Variants in GRM8 observed in about 807,000 individuals in gnomAD.
GRM8 encodes the protein glutamate metabotropic receptor 8, also known as metabotropic glutamate receptor 8.
Under a neutral mutation model 87.2 loss-of-function variants are expected in GRM8, and 47 were observed. That is an observed-to-expected ratio of 0.54 (90% confidence interval 0.43 to 0.69). The LOEUF is 0.69. GRM8 is among the 30% of genes least tolerant of loss of function. GRM8 has a pLI of 0.00. For missense variants in GRM8, 1,019 were observed against 1,139.2 expected (o/e 0.89, Z 1.52); for synonymous variants, 396 against 404.5 (o/e 0.98, Z 0.25).
intron 7 of GRM8, 64 bp from the exon 8 acceptor site, chr7:126,609,562 T>C: frequency 1.6e-6 from 2 of 1,275,336 alleles, no homozygotes; most frequent in Non-Finnish European, 2.2e-6. Flanking sequence ...GGTTTATTTT[T>C]CTTTTAGAAG....
At chr7:126,878,405 T>C (rs1799715202) in intron 6 of GRM8, among the ~76,000 whole-genome samples, 1 of 152,204 alleles carries the variant, frequency 6.6e-6, no homozygotes, top group African/African-American at 2.4e-5. Flanking sequence ...AGCCTGTGTG[T>C]TCTGCCTTCA....
In GRM8 at chr7:126,493,150, C is replaced by T. The variant is rs529645154; in HGVS notation, c.2430+39802G>A. 1.3e-3 allele frequency among the ~76,000 whole-genome samples: 201 copies of T among 152,000 alleles called. 2 individuals carry two copies. In the South Asian group the frequency reaches 0.018, roughly 13 times the overall value. On this transcript the variant is annotated intron_variant, in intron 9 of 10. Transcript: ENST00000339582. ...CTGCTCCACTATGGAATCCCCTTTC[C>T]CTTTTTATGGTTAATAATCTTAATT...
chr7:126,660,683 C>T (rs1805065604), intron 7 of GRM8, among the ~76,000 whole-genome samples: 1 of 152,092 alleles, frequency 6.6e-6, no homozygotes, highest in Admixed American at 6.5e-5. Flanking sequence ...ACTTTTAGTG[C>T]AATTATCCGT....
At chr7:127,105,069 G>A (rs901094419) in intron 3 of GRM8, among the ~76,000 whole-genome samples, 3 of 152,094 alleles carry the variant, frequency 2.0e-5, no homozygotes, top group Admixed American at 1.3e-4. Flanking sequence ...TTATCACTCT[G>A]GTAAGAACTG....
intron 7 of GRM8, among the ~76,000 whole-genome samples, chr7:126,629,674 T>C (rs555043591): frequency 6.6e-4 from 101 of 152,278 alleles, no homozygotes; most frequent in African/African-American, 2.2e-3. Context: ...CTTAAAAAGA[T>C]AGCAGATAAT....
chr7:126,892,586 T>G (rs561586156), intron 6 of GRM8, among the ~76,000 whole-genome samples: 4 of 152,160 alleles, frequency 2.6e-5, no homozygotes, highest in Non-Finnish European at 5.9e-5. Flanking sequence ...GAATAGTGCC[T>G]CAATAAACAT....
intron 7 of GRM8, among the ~76,000 whole-genome samples, chr7:126,669,303 C>G (rs555054987): frequency 2.6e-5 from 4 of 151,846 alleles, no homozygotes; most frequent in Admixed American, 2.6e-4. Flanking sequence ...CCTACACATT[C>G]TGCACATGTA....
chr7:126,803,139 A>G (rs2151713851), intron 6 of GRM8, among the ~76,000 whole-genome samples: 1 of 152,330 alleles, frequency 6.6e-6, no homozygotes, highest in South Asian at 2.1e-4. Flanking sequence ...GAGGCCCCAA[A>G]TTATTCTGGC....
At chr7:127,208,014 A>G (rs913722333) in intron 2 of GRM8, among the ~76,000 whole-genome samples, 1 of 151,860 alleles carries the variant, frequency 6.6e-6, no homozygotes, top group South Asian at 2.1e-4. Flanking sequence ...CCAGATGCTG[A>G]CCCCCGGCCG....
chr7:126,785,098 C>T (rs1820487833), intron 6 of GRM8, among the ~76,000 whole-genome samples: 1 of 152,116 alleles, frequency 6.6e-6, no homozygotes, highest in Non-Finnish European at 1.5e-5. Context: ...TCATAGCACA[C>T]CACAGCCGTG....
At chr7:126,686,585 C>T (rs1354705421) in intron 7 of GRM8, among the ~76,000 whole-genome samples, 1 of 152,130 alleles carries the variant, frequency 6.6e-6, no homozygotes, top group Non-Finnish European at 1.5e-5. Context: ...CACAGAGAGC[C>T]AGCACCCACA....
chr7:126,645,406 T>A (rs1802918730), intron 7 of GRM8, among the ~76,000 whole-genome samples: 1 of 152,116 alleles, frequency 6.6e-6, no homozygotes, highest in South Asian at 2.1e-4. Context: ...AGAGGAAGAC[T>A]CAGCACACAA....
At chr7:126,765,665 C>T (rs1818122309) in intron 7 of GRM8, among the ~76,000 whole-genome samples, 1 of 152,030 alleles carries the variant, frequency 6.6e-6, no homozygotes, top group Non-Finnish European at 1.5e-5. Flanking sequence ...AATATCTAAC[C>T]TCCTTTTCTC....
At position 126,935,943 on chromosome 7, in the gene GRM8, A is replaced by T. The variant is rs555934587; in HGVS notation, c.728-31260T>A. Among the ~76,000 whole-genome samples, 218 of 152,328 alleles carry T rather than the reference A, an allele frequency of 1.4e-3. 1 individual carries two copies. The highest frequency in any genetic ancestry group is 5.0e-3 in the African/African-American group (206 of 41,570). On this transcript the variant is annotated intron_variant, in intron 3 of 10. Transcript: ENST00000339582. ...GTTTTCAGGGGCAGCAGAGATTCAG[A>T]CAGGGTAAGCTCATCATTTTTACCT...
intron 1 of GRM8, among the ~76,000 whole-genome samples, chr7:127,246,348 G>C (rs1395550549): frequency 6.6e-6 from 1 of 152,178 alleles, no homozygotes; most frequent in African/African-American, 2.4e-5. Context: ...TCTATTGTAT[G>C]TTTTGTGTTT....
intron 3 of GRM8, among the ~76,000 whole-genome samples, chr7:127,052,725 A>C (rs1389771308): frequency 6.6e-6 from 1 of 152,168 alleles, no homozygotes; most frequent in Non-Finnish European, 1.5e-5. Flanking sequence ...CCAACATTAG[A>C]TATGATTCAA....
At chr7:126,686,700 C>T (rs1227807254) in intron 7 of GRM8, among the ~76,000 whole-genome samples, 1 of 152,208 alleles carries the variant, frequency 6.6e-6, no homozygotes, top group Admixed American at 6.5e-5. Context: ...CCACGCCTGA[C>T]TCACAGTCTC....
intron 7 of GRM8, among the ~76,000 whole-genome samples, chr7:126,758,602 C>T (rs75355949): frequency 0.018 from 2,783 of 152,172 alleles, 93 homozygotes; most frequent in African/African-American, 0.064. Flanking sequence ...AGAAAAAATA[C>T]AAATGGCACA....
At chr7:126,984,060 T>G (rs888441589) in intron 3 of GRM8, among the ~76,000 whole-genome samples, 2 of 152,238 alleles carry the variant, frequency 1.3e-5, no homozygotes, top group Non-Finnish European at 2.9e-5. Context: ...TCCTTTATCA[T>G]GTGACATAAG....
Sources: gnomAD v4.1 joint callset for allele counts (sites outside exome capture counted in the v4.1 genomes callset) on GRCh38, gnomAD v4.1.1 for gene constraint, MANE v1.5 for transcripts, NCBI Gene and HGNC (gene_info 2026-07-23, HGNC 2026-07-21) for gene names.